The following REV3L variants were observed in gnomAD, a reference collection of about 807,000 sequenced individuals.
REV3L encodes DNA polymerase zeta catalytic subunit.
A neutral mutation model predicts 299.4 loss-of-function variants in REV3L; 69 were observed. The ratio of observed to expected loss-of-function variants is 0.23; its 90% CI spans 0.19 to 0.28. The LOEUF (loss-of-function observed/expected upper bound fraction) is 0.28, where lower values mean the gene tolerates loss of function less well. REV3L is among the 10% of genes least tolerant of loss of function. The probability of loss-of-function intolerance (pLI) is 1.00; values close to 1 mark genes in which losing one functional copy is unlikely to be tolerated. For missense variants in REV3L, 3,128 were observed against 3,693.8 expected (o/e 0.85, Z 3.97); for synonymous variants, 1,238 against 1,271.4 (o/e 0.97, Z 0.56).
At position 111,476,485 on chromosome 6, in the gene REV3L, A is replaced by G. The variant is rs1792958468; in HGVS notation, c.139+6265T>C. On this transcript the variant is annotated intron_variant, in intron 1 of 31. Coordinates refer to ENST00000368802, the MANE Select transcript of REV3L (RefSeq NM_001372078.1). ...AACGAAGTTTTGACTGCGACCCATCATGAGGTCAGGTGTGGAATTTTCTAC... is the reference window on the plus strand; with the variant it reads ...AACGAAGTTTTGACTGCGACCCATCGTGAGGTCAGGTGTGGAATTTTCTAC... Among the ~76,000 whole-genome samples, 3 of 152,256 alleles carry G rather than the reference A, an allele frequency of 2.0e-5. No homozygotes were observed. In the South Asian group the frequency reaches 6.2e-4, roughly 32 times the overall value.
At chr6:111,406,769 A>C (rs1397585363) in intron 3 of REV3L, among the ~76,000 whole-genome samples, 1 of 152,158 alleles carries the variant, frequency 6.6e-6, no homozygotes, top group Non-Finnish European at 1.5e-5. Flanking sequence ...TTTAGACACA[A>C]GGGCATTTAG....
At chr6:111,464,242 T>C (rs1364014673) in intron 1 of REV3L, among the ~76,000 whole-genome samples, 1 of 152,214 alleles carries the variant, frequency 6.6e-6, no homozygotes, top group East Asian at 1.9e-4. Context: ...AAGTGAATGT[T>C]TTCATCTAAG....
intron 20 of REV3L, among the ~76,000 whole-genome samples, chr6:111,347,225 C>T (rs1330017544): frequency 6.6e-6 from 1 of 151,990 alleles, no homozygotes; most frequent in Non-Finnish European, 1.5e-5. Flanking sequence ...GCCGAGACTG[C>T]ACCACTGCAC....
At chr6:111,473,709 T>C (rs1792539833) in intron 1 of REV3L, among the ~76,000 whole-genome samples, 1 of 152,104 alleles carries the variant, frequency 6.6e-6, no homozygotes, top group Non-Finnish European at 1.5e-5. Flanking sequence ...TAATAATTCC[T>C]CTGAGGTTCT....
intron 1 of REV3L, among the ~76,000 whole-genome samples, chr6:111,442,417 T>C (rs6942129): frequency 0.68 from 103,092 of 152,046 alleles, 37,191 homozygotes; most frequent in Non-Finnish European, 0.82. Context: ...TCTGATAATA[T>C]GTCTTACCAT....
chr6:111,465,064 A>G (rs887168464), intron 1 of REV3L, among the ~76,000 whole-genome samples: 1 of 151,128 alleles, frequency 6.6e-6, no homozygotes, highest in Non-Finnish European at 1.5e-5. Flanking sequence ...AGGAAAGGGT[A>G]AAATAAAGTT....
intron 16 of REV3L, among the ~76,000 whole-genome samples, chr6:111,361,895 C>T (rs746113706): frequency 3.3e-5 from 5 of 152,076 alleles, no homozygotes; most frequent in South Asian, 2.1e-4. Flanking sequence ...AGCCGGTTAT[C>T]GGGAGGAAGA....
chr6:111,466,017 C>G (rs1791469691), intron 1 of REV3L, among the ~76,000 whole-genome samples: 1 of 152,128 alleles, frequency 6.6e-6, no homozygotes, highest in Non-Finnish European at 1.5e-5. Context: ...TGCAACAAGA[C>G]AAGAACAAAG....
chr6:111,413,987 G>A (rs1562274369), intron 2 of REV3L, among the ~76,000 whole-genome samples: 1 of 152,094 alleles, frequency 6.6e-6, no homozygotes, highest in Non-Finnish European at 1.5e-5. Flanking sequence ...GTTATAGGAT[G>A]AGTGTAAACT....
chr6:111,313,159 T>A (rs2114733735), intron 28 of REV3L, 193 bp downstream of exon 28: 1 of 455,424 alleles, frequency 2.2e-6, no homozygotes, highest in South Asian at 5.7e-5. Flanking sequence ...TGAGACCCTG[T>A]CTCAAACAAA....
chr6:111,364,355 T>C (rs1778993519), intron 15 of REV3L, among the ~76,000 whole-genome samples: 1 of 152,142 alleles, frequency 6.6e-6, no homozygotes, highest in Non-Finnish European at 1.5e-5. Context: ...CTAAAGTTTG[T>C]AAAAGATTTG....
At chr6:111,310,674 C>G (rs1772877078) in intron 29 of REV3L, 1 of 160,840 alleles carries the variant, frequency 6.2e-6, no homozygotes, top group African/African-American at 2.4e-5. Flanking sequence ...TATTTTATCC[C>G]CTAAGAATGA....
Position 111,299,775 on chromosome 6 carries a change from C to T in REV3L, c.*241G>A. On this transcript the variant is annotated 3_prime_UTR_variant, in exon 32 of 32. Coordinates refer to ENST00000368802, the MANE Select transcript of REV3L (RefSeq NM_001372078.1). ...GGTACACATACTGGAGCAAATCCAACACCTGCATTATAAAACAATGTTTAA... is the reference window on the plus strand; with the variant it reads ...GGTACACATACTGGAGCAAATCCAATACCTGCATTATAAAACAATGTTTAA... 1 of 317,482 alleles carries T rather than the reference C, an allele frequency of 3.1e-6. No individual in the cohort carries two copies. The highest frequency in any genetic ancestry group is 5.7e-6 in the Non-Finnish European group (1 of 174,254). 19.7% of individuals were successfully genotyped at this position (317,482 alleles called of 1,614,324 possible). A position where few individuals can be genotyped will look rare whatever the true frequency, so the allele number is the denominator to read the frequency against.
rs1562286156 is a variant in REV3L, at chr6:111,422,564, TTATATATATATACACATA to T, written c.140-6110_140-6093del. On this transcript the variant is annotated intron_variant, in intron 1 of 31. Transcript: ENST00000368802. ...TTTTATATATATATGGGTGATTCTTTTATATATATATACACATATATATATATATACACATATATATAT... is the reference window on the plus strand; with the variant it reads ...TTTTATATATATATGGGTGATTCTTTTATATATATATACACATATATATAT... Among the ~76,000 whole-genome samples the T allele has an allele frequency of 5.5e-4, 53 of 97,220 alleles. 1 individual carries two copies. The highest frequency in any genetic ancestry group is 1.5e-3 in the South Asian group (4 of 2,594). 63.8% of individuals were successfully genotyped at this position (97,220 alleles called of 152,430 possible).
intron 19 of REV3L, 21 bp from the exon 20 acceptor site, chr6:111,349,357 T>C: frequency 8.1e-7 from 1 of 1,234,414 alleles, no homozygotes; most frequent in Non-Finnish European, 1.2e-6. Context: ...GAAAACAGAC[T>C]GTATCAGGGC....
chr6:111,323,178 T>TG (rs1359143287), intron 25 of REV3L, among the ~76,000 whole-genome samples: 1 of 152,140 alleles, frequency 6.6e-6, no homozygotes. Flanking sequence ...TTAGTAGAGA[T>TG]GGGGTTTCAC....
intron 31 of REV3L, among the ~76,000 whole-genome samples, chr6:111,300,588 G>T (rs532341290): frequency 1.1e-4 from 16 of 152,198 alleles, no homozygotes; most frequent in Non-Finnish European, 2.2e-4. Context: ...AGCCACAGCA[G>T]AAAAACATAA....
intron 3 of REV3L, among the ~76,000 whole-genome samples, chr6:111,408,815 G>A (rs1329412565): frequency 6.6e-6 from 1 of 152,080 alleles, no homozygotes; most frequent in African/African-American, 2.4e-5. Flanking sequence ...CTCCAGAATA[G>A]CTAAGACGAT....
chr6:111,374,470 G>A lies in REV3L; in HGVS notation c.3885C>T (p.Cys1295=), dbSNP rs771610398. The change falls in exon 13 of 32, where the codon TGC becomes TGT. Residue 1295 remains cysteine (C), a synonymous_variant. Coordinates refer to ENST00000368802, the MANE Select transcript of REV3L (RefSeq NM_001372078.1). ...GINAQQKLSG[C]FSSFLESKKS... The stretch of plus-strand genomic sequence containing the variant: ...TCTTGCTTTCTAAGAAAGAAGAAAA[G>A]CAGCCAGATAACTTCTGTTGTGCAT... 1.2e-6 allele frequency: 2 copies of A among 1,614,014 alleles called. No individual in the cohort carries two copies. Among genetic ancestry groups the A allele is most frequent in the South Asian group, 2.2e-5 (2 of 91,076 alleles).
Sources: gnomAD v4.1 joint callset for allele counts (sites outside exome capture counted in the v4.1 genomes callset) on GRCh38, gnomAD v4.1.1 for gene constraint, MANE v1.5 for transcripts, NCBI Gene and HGNC (gene_info 2026-07-23, HGNC 2026-07-21) for gene names.